Variants in GIPC2 observed in about 807,000 individuals in gnomAD.
GIPC2 encodes the protein PDZ domain-containing protein GIPC2.
GIPC2 carries 30 observed loss-of-function variants against 30.6 expected under a neutral mutation model. The observed-to-expected ratio is 0.98, with a 90% CI of 0.73 to 1.33. The LOEUF is 1.33. GIPC2 is among the 40% of genes most tolerant of loss of function. The probability of loss-of-function intolerance (pLI) is 0.00; values close to 1 mark genes in which losing one functional copy is unlikely to be tolerated. For synonymous variants in GIPC2, 167 were observed against 150.0 expected, an observed-to-expected ratio of 1.11 and a Z score of -0.83; for missense variants, 414 against 390.3, an observed-to-expected ratio of 1.06 and a Z score of -0.51.
intron 1 of GIPC2, among the ~76,000 whole-genome samples, chr1:78,055,299 G>A (rs7514007): frequency 0.91 from 138,158 of 152,070 alleles, 62,951 homozygotes; most frequent in African/African-American, 0.95. Flanking sequence ...TCCAAATACC[G>A]TCACCTGGTA....
chr1:78,071,479 T>G (rs992228370), intron 1 of GIPC2, among the ~76,000 whole-genome samples: 1 of 151,940 alleles, frequency 6.6e-6, no homozygotes, highest in African/African-American at 2.4e-5. Flanking sequence ...AGAAGGTTTT[T>G]TTTTTTGCTC....
chr1:78,069,947 C>T (rs1465049014), intron 1 of GIPC2, among the ~76,000 whole-genome samples: 1 of 152,142 alleles, frequency 6.6e-6, no homozygotes, highest in East Asian at 1.9e-4. Flanking sequence ...TGTCTTCCCC[C>T]ATCACTCCCT....
intron 3 of GIPC2, among the ~76,000 whole-genome samples, chr1:78,096,662 T>C (rs1007859961): frequency 5.9e-4 from 90 of 152,326 alleles, no homozygotes; most frequent in African/African-American, 2.1e-3. Context: ...CCTTCAGTGT[T>C]GTAGACATGA....
chr1:78,135,863 G>A lies in GIPC2; in HGVS notation c.*120G>A. The A allele has an allele frequency of 1.4e-6, 1 of 716,524 alleles. No individual in the cohort carries two copies. The highest frequency in any genetic ancestry group is 2.2e-6 in the Non-Finnish European group (1 of 448,350). The allele number at this position is 716,524 out of a possible 1,614,324, so 44.4% of individuals were successfully genotyped here. A position where few individuals can be genotyped will look rare whatever the true frequency, so the allele number is the denominator to read the frequency against. On this transcript the variant is annotated 3_prime_UTR_variant, in exon 6 of 6. Coordinates refer to ENST00000370759, the MANE Select transcript of GIPC2 (RefSeq NM_017655.6). ...ACTCTGGTTTAATTTCATGTGTATG[G>A]AATATATTCTTTGAAATATAATTTT...
chr1:78,089,507 T>C (rs1164623686), intron 2 of GIPC2, among the ~76,000 whole-genome samples: 4 of 152,190 alleles, frequency 2.6e-5, no homozygotes, highest in African/African-American at 9.7e-5. Flanking sequence ...TTCACACAGA[T>C]GAAACTGGTT....
At chr1:78,114,291 G>A (rs1487487275) in intron 3 of GIPC2, among the ~76,000 whole-genome samples, 1 of 152,198 alleles carries the variant, frequency 6.6e-6, no homozygotes, top group Non-Finnish European at 1.5e-5. Flanking sequence ...ATCCGTTCAT[G>A]TGAAGTGACT....
intron 3 of GIPC2, among the ~76,000 whole-genome samples, chr1:78,114,880 G>A (rs1299892030): frequency 2.0e-5 from 3 of 152,192 alleles, no homozygotes; most frequent in African/African-American, 4.8e-5. Flanking sequence ...AATGGGAGAG[G>A]CTGTGCCTGT....
chr1:78,069,040 C>T (rs183402400), intron 1 of GIPC2: 15 of 983,878 alleles, frequency 1.5e-5, no homozygotes, highest in East Asian at 2.3e-4. Context: ...GCAGGAATGG[C>T]GGTAATGTTG....
At chr1:78,131,021 G>T (rs12752029) in intron 5 of GIPC2, among the ~76,000 whole-genome samples, 1,624 of 152,066 alleles carry the variant, frequency 0.011, 17 homozygotes, top group Non-Finnish European at 0.017. Context: ...AATTCTTTTT[G>T]AGATGGGGTC....
At chr1:78,091,498 A>G in intron 2 of GIPC2, 1 of 711,994 alleles carries the variant, frequency 1.4e-6, no homozygotes, top group Non-Finnish European at 2.6e-6. Flanking sequence ...CCGCTGCGCT[A>G]ATGGCTCCCA....
chr1:78,094,144 A>T (rs1471234985), intron 2 of GIPC2, among the ~76,000 whole-genome samples: 4 of 152,230 alleles, frequency 2.6e-5, no homozygotes. Flanking sequence ...TTTATTGGGT[A>T]TCAGGCGTCT....
At chr1:78,061,392 G>T (rs1661388848) in intron 1 of GIPC2, among the ~76,000 whole-genome samples, 1 of 152,176 alleles carries the variant, frequency 6.6e-6, no homozygotes, top group Non-Finnish European at 1.5e-5. Context: ...TAGCCCTGCT[G>T]TTTGGGGTGT....
At chr1:78,094,250 A>G (rs1443794000) in intron 2 of GIPC2, among the ~76,000 whole-genome samples, 1 of 152,248 alleles carries the variant, frequency 6.6e-6, no homozygotes, top group African/African-American at 2.4e-5. Context: ...ATGGGCCTCA[A>G]TTGAAATGAT....
intron 1 of GIPC2, among the ~76,000 whole-genome samples, chr1:78,069,465 C>A (rs1571484911): frequency 6.6e-6 from 1 of 151,200 alleles, no homozygotes; most frequent in Admixed American, 6.6e-5. Flanking sequence ...ATCTAGGGAA[C>A]CCTGTAGTAC....
Position 78,046,084 on chromosome 1 carries a change from G to C in GIPC2, c.-11G>C, listed in dbSNP as rs1661064508. ...GCAGCGCAGGTGGGCCCGCGCTCTC[G>C]GCCCTGCAAGATGCCCCTGAAGCTG... On this transcript the variant is annotated 5_prime_UTR_variant, in exon 1 of 6. Coordinates refer to ENST00000370759, the MANE Select transcript of GIPC2 (RefSeq NM_017655.6). 8 of 1,420,934 alleles carry C rather than the reference G, an allele frequency of 5.6e-6. No individual in the cohort carries two copies. The South Asian group carries it at 9.3e-5, about 16-fold the overall frequency. The allele number at this position is 1,420,934 out of a possible 1,614,324, so 88.0% of individuals were successfully genotyped here. A position where few individuals can be genotyped will look rare whatever the true frequency, so the allele number is the denominator to read the frequency against.
Position 78,135,772 on chromosome 1 carries a change from C to T in GIPC2, c.*29C>T. The T allele has an allele frequency of 6.4e-7, 1 of 1,567,790 alleles. No individual in the cohort carries two copies. Among genetic ancestry groups the T allele is most frequent in the Non-Finnish European group, 8.6e-7 (1 of 1,162,780 alleles). On this transcript the variant is annotated 3_prime_UTR_variant, in exon 6 of 6. Transcript: ENST00000370759. ...GTACACTCCATCTCTGAAGAAACAA[C>T]CCATCGTTCTTTTTTTTCTCTTTTT...
rs1050089150 is a variant in GIPC2 at position 78,080,787 on chromosome 1, T to C, written c.353T>C (p.Val118Ala). Residue 118 changes from valine (V) to alanine (A), a missense_variant, in exon 2 of 6, where the codon GTG becomes GCG. Val to Ala is a moderately conservative substitution (Grantham distance 64, BLOSUM62 0). Transcript: ENST00000370759. ...CATGTGAAAGGAATCGAAAAAGAAG[T>C]GAATGTGTATAAATCTGAGGATTCA... ...FAHVKGIEKEVNVYKSEDSLG... is the reference protein window; with the variant it reads ...FAHVKGIEKEANVYKSEDSLG... 13 of 1,610,360 alleles carry C rather than the reference T, an allele frequency of 8.1e-6. No homozygotes were observed. The East Asian group carries it at 2.9e-4, about 36-fold the overall frequency.
chr1:78,070,652 G>T (rs1486648078), intron 1 of GIPC2, among the ~76,000 whole-genome samples: 1 of 152,046 alleles, frequency 6.6e-6, no homozygotes, highest in Non-Finnish European at 1.5e-5. Context: ...ATGTCTCAAG[G>T]ATTGCTTTGG....
intron 1 of GIPC2, among the ~76,000 whole-genome samples, chr1:78,053,802 G>A (rs577620030): frequency 2.9e-4 from 42 of 146,650 alleles, no homozygotes; most frequent in Middle Eastern, 3.7e-3. Context: ...GTGGTGGTAC[G>A]TACCTGTAGT....
Sources: allele counts gnomAD v4.1 joint callset (sites outside exome capture counted in the v4.1 genomes callset), GRCh38; gene constraint gnomAD v4.1.1; transcripts MANE v1.5; gene names NCBI Gene and HGNC (gene_info 2026-07-23, HGNC 2026-07-21).